The following DNER variants were observed in gnomAD, a reference collection of about 807,000 sequenced individuals.
DNER encodes the protein delta and Notch-like epidermal growth factor-related receptor.
In DNER, 33 loss-of-function variants were observed where a neutral mutation model predicts 78.2. That is an observed-to-expected ratio of 0.42 (90% CI 0.32 to 0.56). DNER has a LOEUF of 0.56. DNER is among the 20% of genes least tolerant of loss of function. The pLI, the probability that DNER is intolerant of heterozygous loss-of-function variation, is 0.11. For synonymous variants in DNER, 417 were observed against 384.8 expected (o/e 1.08, Z -0.98); for missense variants, 918 against 975.3 (o/e 0.94, Z 0.78).
chr2:229,610,980 C>T (rs891211791), intron 1 of DNER, among the ~76,000 whole-genome samples: 3 of 152,230 alleles, frequency 2.0e-5, no homozygotes, highest in Non-Finnish European at 2.9e-5. Context: ...AGAAGTAGTT[C>T]ATTGTTTCAA....
chr2:229,447,675 A>T (rs968239097), intron 7 of DNER, 135 bp from the exon 8 acceptor site: 5 of 991,376 alleles, frequency 5.0e-6, no homozygotes, highest in Non-Finnish European at 7.4e-6. Context: ...CAACCCAACA[A>T]GATAGGTAGG....
chr2:229,592,423 A>G (rs1697625300), intron 1 of DNER, among the ~76,000 whole-genome samples: 1 of 152,244 alleles, frequency 6.6e-6, no homozygotes, highest in Admixed American at 6.5e-5. Context: ...ATTTAATTAA[A>G]GACTTCCAAA....
At chr2:229,432,398 C>CT (rs1294948861) in intron 8 of DNER, among the ~76,000 whole-genome samples, 4 of 152,066 alleles carry the variant, frequency 2.6e-5, no homozygotes, top group African/African-American at 9.7e-5. Flanking sequence ...AAATCAAAGA[C>CT]TAAGACTCTA....
intron 1 of DNER, among the ~76,000 whole-genome samples, chr2:229,711,704 C>G (rs145234288): frequency 3.7e-4 from 57 of 152,280 alleles, no homozygotes; most frequent in African/African-American, 1.3e-3. Flanking sequence ...GTTAAAAGAT[C>G]CTCTTTACAT....
At chr2:229,581,020 C>T (rs908448353) in intron 4 of DNER, among the ~76,000 whole-genome samples, 4 of 152,132 alleles carry the variant, frequency 2.6e-5, no homozygotes, top group African/African-American at 9.7e-5. Flanking sequence ...ATGGGGCCGG[C>T]AGTGAGCTGC....
intron 3 of DNER, among the ~76,000 whole-genome samples, chr2:229,587,382 T>C (rs1374999922): frequency 6.6e-6 from 1 of 152,166 alleles, no homozygotes; most frequent in Non-Finnish European, 1.5e-5. Flanking sequence ...CAAGCAGCCC[T>C]TCCAGGCTCT....
intron 5 of DNER, among the ~76,000 whole-genome samples, chr2:229,539,965 C>T (rs1696480365): frequency 6.6e-6 from 1 of 152,148 alleles, no homozygotes; most frequent in Non-Finnish European, 1.5e-5. Flanking sequence ...CAGTATGTAT[C>T]CTCCAGAGCC....
chr2:229,381,471 G>C (rs1452926239), intron 11 of DNER, among the ~76,000 whole-genome samples: 2 of 152,178 alleles, frequency 1.3e-5, no homozygotes, highest in Non-Finnish European at 2.9e-5. Context: ...AGGGAGCCAA[G>C]TGGTCTAGCT....
rs1271737808 is a variant in DNER at position 229,383,255 on chromosome 2, G to A, written c.1855+5010C>T. On this transcript the variant is annotated intron_variant, in intron 11 of 12. Transcript: ENST00000341772. ...CCAGGCCTGCCTTACAAGAGCTCCT[G>A]AAGGAAGCACTAAATATGGAAAGGA... Among the ~76,000 whole-genome samples the A allele has an allele frequency of 2.0e-5, 3 of 152,146 alleles. No homozygotes were observed. The East Asian group carries it at 5.8e-4, about 29-fold the overall frequency.
chr2:229,606,618 C>T (rs915242362), intron 1 of DNER, among the ~76,000 whole-genome samples: 2 of 152,116 alleles, frequency 1.3e-5, no homozygotes, highest in Non-Finnish European at 1.5e-5. Flanking sequence ...TAGGGCCAGG[C>T]GCAGTGGCTC....
intron 6 of DNER, 84 bp from the exon 7 acceptor site, chr2:229,477,337 G>A (rs1257380780): frequency 7.4e-6 from 7 of 941,476 alleles, no homozygotes; most frequent in Non-Finnish European, 1.1e-5. Context: ...GGATTCAACT[G>A]GTACCTGCCC....
chr2:229,420,772 G>C (rs773584441), intron 8 of DNER, among the ~76,000 whole-genome samples: 10 of 152,162 alleles, frequency 6.6e-5, no homozygotes, highest in Non-Finnish European at 1.5e-4. Context: ...AAAATAACAA[G>C]TGTTGGGGCA....
At position 229,500,144 on chromosome 2, in the gene DNER, A is replaced by C. The variant is rs186722773; in HGVS notation, c.1147+12639T>G. On this transcript the variant is annotated intron_variant, in intron 6 of 12. Transcript: ENST00000341772. Reference sequence around the variant, plus strand: ...GAGACCAGGTTTCACCGTGTTAGCCAGGATGGTCTCAATCTCCTGACTTCA... The same window carrying C: ...GAGACCAGGTTTCACCGTGTTAGCCCGGATGGTCTCAATCTCCTGACTTCA... Among the ~76,000 whole-genome samples the C allele has an allele frequency of 1.3e-3, 202 of 152,332 alleles. No individual in the cohort carries two copies. The Middle Eastern group carries it at 0.017, about 13-fold the overall frequency.
At chr2:229,660,145 C>G (rs1345931638) in intron 1 of DNER, among the ~76,000 whole-genome samples, 1 of 152,028 alleles carries the variant, frequency 6.6e-6, no homozygotes, top group Non-Finnish European at 1.5e-5. Flanking sequence ...TTTTTAAGTT[C>G]AGGAGGACAC....
intron 10 of DNER, among the ~76,000 whole-genome samples, chr2:229,394,143 C>T (rs1258977081): frequency 6.6e-6 from 1 of 152,174 alleles, no homozygotes; most frequent in Non-Finnish European, 1.5e-5. Context: ...ACCCCAGTTC[C>T]AGGAATGCCT....
intron 1 of DNER, among the ~76,000 whole-genome samples, chr2:229,695,425 A>G (rs1462808691): frequency 6.6e-6 from 1 of 151,014 alleles, no homozygotes; most frequent in African/African-American, 2.5e-5. Flanking sequence ...TTTATTATAA[A>G]TCCCCACCCA....
chr2:229,593,174 CTATCAACTCAA>C (rs1192317411), intron 1 of DNER, among the ~76,000 whole-genome samples: 2 of 152,210 alleles, frequency 1.3e-5, no homozygotes, highest in Non-Finnish European at 2.9e-5. Context: ...TATTCACAAT[CTATCAACTCAA>C]AGTAAAATCC....
At chr2:229,428,057 A>T (rs1409820791) in intron 8 of DNER, among the ~76,000 whole-genome samples, 3 of 147,312 alleles carry the variant, frequency 2.0e-5, no homozygotes, top group African/African-American at 7.7e-5. Flanking sequence ...CCTGGGTGAC[A>T]GAGCGAGATT....
At chr2:229,541,491 C>T (rs192434740) in intron 5 of DNER, among the ~76,000 whole-genome samples, 8 of 152,146 alleles carry the variant, frequency 5.3e-5, no homozygotes, top group African/African-American at 9.6e-5. Flanking sequence ...ATTATTGGAA[C>T]GCTAAGCCTG....
Sources: gnomAD v4.1 joint callset for allele counts (sites outside exome capture counted in the v4.1 genomes callset) on GRCh38, gnomAD v4.1.1 for gene constraint, MANE v1.5 for transcripts, NCBI Gene and HGNC (gene_info 2026-07-23, HGNC 2026-07-21) for gene names.